Variants in TMOD1 observed in about 807,000 individuals in gnomAD.
TMOD1 encodes tropomodulin 1.
TMOD1 carries 17 observed loss-of-function variants against 40.6 expected under a neutral mutation model. The observed-to-expected ratio is 0.42, with a 90% CI of 0.29 to 0.63. The LOEUF is 0.63. Ranked by LOEUF, TMOD1 falls within the 20% of genes least tolerant of loss-of-function variation. TMOD1 has a pLI of 0.22. For synonymous variants in TMOD1, 181 were observed against 175.0 expected (o/e 1.03, Z -0.27); for missense variants, 391 against 447.6 (o/e 0.87, Z 1.14).
chr9:97,530,671 A>G (rs1164672219), intron 2 of TMOD1, among the ~76,000 whole-genome samples: 2 of 151,004 alleles, frequency 1.3e-5, no homozygotes, highest in African/African-American at 2.4e-5. Context: ...TTGTATTTTT[A>G]GTAGAGACGG....
chr9:97,531,044 C>CCA (rs1830096337), intron 2 of TMOD1, among the ~76,000 whole-genome samples: 1 of 137,960 alleles, frequency 7.2e-6, no homozygotes, highest in Non-Finnish European at 1.6e-5. Flanking sequence ...CCCACCCCCC[C>CCA]CACCACCCCT....
At chr9:97,580,148 C>A (rs746769050) in intron 8 of TMOD1, among the ~76,000 whole-genome samples, 4 of 152,180 alleles carry the variant, frequency 2.6e-5, no homozygotes, top group African/African-American at 4.8e-5. Flanking sequence ...AAGTGGGGCA[C>A]GAGGCAGGGC....
intron 4 of TMOD1, chr9:97,555,808 G>T (rs1830528554): frequency 9.9e-7 from 1 of 1,014,942 alleles, no homozygotes; most frequent in Non-Finnish European, 1.5e-6. Context: ...GAGAAAGTAG[G>T]CAAGGTGTGG....
intron 8 of TMOD1, among the ~76,000 whole-genome samples, chr9:97,590,264 C>T (rs1825973708): frequency 1.3e-5 from 2 of 151,868 alleles, no homozygotes; most frequent in South Asian, 4.2e-4. Context: ...CGCTCTGTCG[C>T]CTGGGCTGGA....
At chr9:97,543,931 G>T (rs559255961) in intron 2 of TMOD1, among the ~76,000 whole-genome samples, 1 of 152,292 alleles carries the variant, frequency 6.6e-6, no homozygotes, top group Non-Finnish European at 1.5e-5. Context: ...AGTGGGATGT[G>T]TGGAGCATCA....
At chr9:97,511,242 G>GT (rs1225626405) in intron 1 of TMOD1, among the ~76,000 whole-genome samples, 8 of 152,114 alleles carry the variant, frequency 5.3e-5, no homozygotes, top group Non-Finnish European at 1.0e-4. Context: ...TAGTGTGTTT[G>GT]TTTTTTTAGA....
intron 2 of TMOD1, among the ~76,000 whole-genome samples, chr9:97,529,622 T>C (rs1830069349): frequency 6.6e-6 from 1 of 152,126 alleles, no homozygotes; most frequent in South Asian, 2.1e-4. Context: ...TTGGACTCCC[T>C]CGGGAAAGGA....
intron 8 of TMOD1, among the ~76,000 whole-genome samples, chr9:97,586,613 G>A (rs1276966999): frequency 6.6e-6 from 1 of 151,988 alleles, no homozygotes; most frequent in Non-Finnish European, 1.5e-5. Context: ...CCTCGCTGCC[G>A]CCTTGCAGTT....
At chr9:97,529,383 G>A (rs1275834207) in intron 2 of TMOD1, among the ~76,000 whole-genome samples, 1 of 152,026 alleles carries the variant, frequency 6.6e-6, no homozygotes, top group Admixed American at 6.5e-5. Flanking sequence ...AACCATTCCT[G>A]GCTGTCTTAG....
At chr9:97,543,905 C>A (rs1830313963) in intron 2 of TMOD1, among the ~76,000 whole-genome samples, 1 of 152,184 alleles carries the variant, frequency 6.6e-6, no homozygotes, top group African/African-American at 2.4e-5. Flanking sequence ...TATCTGAGAA[C>A]TGCTGCTTAA....
rs1587971512 is a variant in TMOD1, at chr9:97,600,314, T to C, written c.*616T>C. On this transcript the variant is annotated 3_prime_UTR_variant, in exon 10 of 10. Transcript: ENST00000259365. ...ATTCCTTTTGCTGGATATGCAGAAA[T>C]GATAGGAAAAAAACCAATGGTGAAA... 1.0e-6 allele frequency: 1 copy of C among 986,032 alleles called. No individual in the cohort carries two copies. Among genetic ancestry groups the C allele is most frequent in the East Asian group, 1.1e-4 (1 of 8,816 alleles). The allele number at this position is 986,032 out of a possible 1,614,324, so 61.1% of individuals were successfully genotyped here.
Position 97,513,787 on chromosome 9 carries a change from A to G in TMOD1, c.-48-10354A>G, listed in dbSNP as rs1045153732. 6.6e-6 allele frequency: 1 copy of G among 152,226 alleles called. No individual in the cohort carries two copies. The highest frequency in any genetic ancestry group is 1.5e-5 in the Non-Finnish European group (1 of 68,038). 9.4% of individuals were successfully genotyped at this position (152,226 alleles called of 1,614,324 possible). On this transcript the variant is annotated intron_variant, in intron 1 of 9. Coordinates refer to ENST00000259365, the MANE Select transcript of TMOD1 (RefSeq NM_003275.4). The surrounding 1 kb of genome is among the most constrained non-coding windows in gnomAD (Gnocchi z 4.1). ...TCCTCAACTAAAGTCAGGACTTGTAACCAGGCCCCCTGACTTCTATGGCAA... is the reference window on the plus strand; with the variant it reads ...TCCTCAACTAAAGTCAGGACTTGTAGCCAGGCCCCCTGACTTCTATGGCAA...
intron 8 of TMOD1, among the ~76,000 whole-genome samples, chr9:97,587,553 T>C (rs1230054167): frequency 7.4e-6 from 1 of 135,692 alleles, no homozygotes; most frequent in Non-Finnish European, 1.6e-5. Flanking sequence ...CCTTTCCCCG[T>C]TTTCTAATTG....
chr9:97,517,642 G>C (rs919390487), intron 1 of TMOD1: 7 of 152,686 alleles, frequency 4.6e-5, no homozygotes, highest in Admixed American at 3.9e-4. Flanking sequence ...CAGGTAGCAG[G>C]CCCCACACGG....
intron 4 of TMOD1, among the ~76,000 whole-genome samples, chr9:97,562,060 C>T (rs1830649262): frequency 6.6e-6 from 1 of 152,314 alleles, no homozygotes; most frequent in Non-Finnish European, 1.5e-5. Flanking sequence ...CCACTGTCCC[C>T]ACCAGAGCCT....
intron 2 of TMOD1, among the ~76,000 whole-genome samples, chr9:97,527,927 G>A (rs536288204): frequency 2.6e-5 from 4 of 152,304 alleles, no homozygotes; most frequent in East Asian, 1.9e-4. Flanking sequence ...GGCTGTGACC[G>A]CAAATAAGGC....
chr9:97,529,730 G>A (rs770924221), intron 2 of TMOD1, among the ~76,000 whole-genome samples: 1 of 152,222 alleles, frequency 6.6e-6, no homozygotes, highest in African/African-American at 2.4e-5. Flanking sequence ...CTCTGAAGCA[G>A]AGCCAGCTCC....
intron 2 of TMOD1, among the ~76,000 whole-genome samples, chr9:97,538,602 G>C (rs760889671): frequency 7.9e-5 from 12 of 152,144 alleles, no homozygotes; most frequent in Non-Finnish European, 1.5e-4. Context: ...GTAATGTATA[G>C]GCTTGTTATA....
chr9:97,532,118 C>G (rs573433510), intron 2 of TMOD1, among the ~76,000 whole-genome samples: 1 of 152,166 alleles, frequency 6.6e-6, no homozygotes, highest in Non-Finnish European at 1.5e-5. Flanking sequence ...TAACACAAAC[C>G]GGCAGAATCG....
Sources: allele counts gnomAD v4.1 joint callset (sites outside exome capture counted in the v4.1 genomes callset), GRCh38; gene constraint gnomAD v4.1.1; non-coding constraint Gnocchi (gnomAD v3.1); transcripts MANE v1.5; gene names NCBI Gene and HGNC (gene_info 2026-07-23, HGNC 2026-07-21).